DSG2: variants seen among roughly 807,000 people sequenced by gnomAD.
The protein encoded by DSG2 is desmoglein 2.
A neutral mutation model predicts 75.6 loss-of-function variants in DSG2; 45 were observed. The observed-to-expected ratio is 0.60, with a 90% CI of 0.47 to 0.76. The LOEUF is 0.76. Ranked by LOEUF, DSG2 falls within the 30% of genes least tolerant of loss-of-function variation. The probability of loss-of-function intolerance (pLI) is 0.00; values close to 1 mark genes in which losing one functional copy is unlikely to be tolerated. For synonymous variants in DSG2, 429 were observed against 483.9 expected, an observed-to-expected ratio of 0.89 and a Z score of 1.49; for missense variants, 1,267 against 1,357.4, an observed-to-expected ratio of 0.93 and a Z score of 1.05.
chr18:31,521,835 T>C (rs144856088), intron 5 of DSG2, among the ~76,000 whole-genome samples: 43 of 152,306 alleles, frequency 2.8e-4, no homozygotes, highest in African/African-American at 1.0e-3. Context: ...TATAAACAAA[T>C]CTGTGCCCTT....
At chr18:31,523,810 G>T (rs2073144030) in intron 6 of DSG2, among the ~76,000 whole-genome samples, 1 of 152,232 alleles carries the variant, frequency 6.6e-6, no homozygotes, top group African/African-American at 2.4e-5. Context: ...AAGTGACGAT[G>T]CCAGAATTGG....
rs891088263 is a variant in DSG2 at position 31,547,391 on chromosome 18, T to G, written c.*648T>G. 1.3e-5 allele frequency: 2 copies of G among 156,372 alleles called. No homozygotes were observed. Among genetic ancestry groups the G allele is most frequent in the African/African-American group, 4.8e-5 (2 of 41,456 alleles). The allele number at this position is 156,372 out of a possible 1,614,324, so 9.7% of individuals were successfully genotyped here. On this transcript the variant is annotated 3_prime_UTR_variant, in exon 15 of 15. Transcript: ENST00000261590. ...CTGTATAGTCTTAAAAATAGCATTA[T>G]ACTGGCCAGGGGTGGTGGCTAACGC...
rs727502988 is a variant in DSG2 at position 31,538,823 on chromosome 18, A to G, written c.1724A>G (p.Asn575Ser). ...GAAATTCAGTTCCTGATTTCAGACA[A>G]TCAGGGTTTTAGTTGTCCTGAAAAG... ...RSEIQFLISDNQGFSCPEKQV... is the reference protein window; with the variant it reads ...RSEIQFLISDSQGFSCPEKQV... The change falls in exon 12 of 15, where the codon AAT becomes AGT. Residue 575 changes from asparagine to serine, a missense_variant. Transcript: ENST00000261590. 2 of 1,614,170 alleles carry G rather than the reference A, an allele frequency of 1.2e-6. No homozygotes were observed. The highest frequency in any genetic ancestry group is 1.1e-5 in the South Asian group (1 of 91,076).
chr18:31,514,775 A>C (rs2073085032), intron 1 of DSG2, among the ~76,000 whole-genome samples: 1 of 152,212 alleles, frequency 6.6e-6, no homozygotes, highest in Admixed American at 6.5e-5. Context: ...GTTGGTAACC[A>C]TGTGATTTTC....
At position 31,542,925 on chromosome 18, in the gene DSG2, G is replaced by A; in HGVS notation, c.2334+73G>A. ...TGTATGTGAATGTGATATTATTAGG[G>A]TAATCATTGCCTTGGATCCAAATGA... On this transcript the variant is annotated intron_variant, in intron 14 of 14. Coordinates refer to ENST00000261590, the MANE Select transcript of DSG2 (RefSeq NM_001943.5). 3.7e-6 allele frequency: 4 copies of A among 1,075,644 alleles called. No homozygotes were observed. In the Admixed American group the frequency reaches 1.2e-4, roughly 33 times the overall value. 66.6% of individuals were successfully genotyped at this position (1,075,644 alleles called of 1,614,324 possible). A position where few individuals can be genotyped will look rare whatever the true frequency, so the allele number is the denominator to read the frequency against.
rs1335695492 is a variant in DSG2, at chr18:31,518,266, C to T, written c.73C>T (p.His25Tyr). Residue 25 changes from histidine to tyrosine, a missense_variant, in exon 2 of 15, where the codon CAC becomes TAC. Physicochemically the swap from His to Tyr is moderately conservative, Grantham distance 83 (BLOSUM62 2). Transcript: ENST00000261590. ...LICFNVGSGL[H>Y]LQVLSTRNEN... ...CTGCTTTAACGTTGGAAGTGGACTT[C>T]ACTTACAGGTGAGGAAACAAAGGGA... The T allele has an allele frequency of 4.3e-6, 7 of 1,613,328 alleles. No individual in the cohort carries two copies. Among genetic ancestry groups the T allele is most frequent in the Middle Eastern group, 1.7e-4 (1 of 6,058 alleles).
intron 1 of DSG2, among the ~76,000 whole-genome samples, chr18:31,511,864 G>T (rs992050081): frequency 6.6e-6 from 1 of 152,078 alleles, no homozygotes; most frequent in African/African-American, 2.4e-5. Context: ...GGCCCCTTGT[G>T]CTCCCTTCAG....
At chr18:31,525,638 A>C (rs2073158790) in intron 8 of DSG2, among the ~76,000 whole-genome samples, 1 of 152,202 alleles carries the variant, frequency 6.6e-6, no homozygotes, top group Non-Finnish European at 1.5e-5. Flanking sequence ...ATAAAACTGC[A>C]TGCCAAAAAT....
In DSG2 at chr18:31,545,931, A is replaced by G. The variant is rs1225132212; in HGVS notation, c.2545A>G (p.Lys849Glu). 6.2e-7 allele frequency: 1 copy of G among 1,614,186 alleles called. No homozygotes were observed. The highest frequency in any genetic ancestry group is 1.1e-5 in the South Asian group (1 of 91,082). Residue 849 changes from lysine (K) to glutamate (E), a missense_variant, in exon 15 of 15, where the codon AAG becomes GAG. Coordinates refer to ENST00000261590, the MANE Select transcript of DSG2 (RefSeq NM_001943.5). ...CCTGGGTCAAAAAATAGATATAAATAAGGAAATTGAGCAGAGACAAAAACC... is the reference window on the plus strand; with the variant it reads ...CCTGGGTCAAAAAATAGATATAAATGAGGAAATTGAGCAGAGACAAAAACC... ...VCLGQKIDINKEIEQRQKPAT... is the reference protein window; with the variant it reads ...VCLGQKIDINEEIEQRQKPAT...
At chr18:31,521,365 A>G (rs1363879005) in intron 5 of DSG2, 122 bp downstream of exon 5, 2 of 1,085,878 alleles carry the variant, frequency 1.8e-6, no homozygotes, top group Non-Finnish European at 2.6e-6. Context: ...AACAAATGAT[A>G]AGAAAGCAGT....
chr18:31,504,570 G>C (rs753061219), intron 1 of DSG2, among the ~76,000 whole-genome samples: 10 of 152,158 alleles, frequency 6.6e-5, no homozygotes, highest in Non-Finnish European at 1.2e-4. Context: ...ACGGCAGAGG[G>C]GGGGACACAG....
intron 9 of DSG2, among the ~76,000 whole-genome samples, chr18:31,532,416 T>C (rs1354296096): frequency 3.9e-5 from 6 of 152,106 alleles, no homozygotes; most frequent in African/African-American, 1.4e-4. Context: ...GACTCCAACA[T>C]AAGAATTTCC....
intron 1 of DSG2, among the ~76,000 whole-genome samples, chr18:31,509,242 C>T (rs1188547072): frequency 1.3e-5 from 2 of 152,168 alleles, no homozygotes; most frequent in Non-Finnish European, 2.9e-5. Context: ...AAACTGTCTT[C>T]CTCTTTGTAA....
rs2073192392 is a variant in DSG2, at chr18:31,530,881, G to A, written c.1015-106G>A. On this transcript the variant is annotated intron_variant, in intron 8 of 14. Coordinates refer to ENST00000261590, the MANE Select transcript of DSG2 (RefSeq NM_001943.5). ...TATTCAGTGCTGCTATATTTCCTGT[G>A]CATTAAATTATTGTATCTAACATTA... is the stretch of plus-strand genomic sequence containing the variant. 11 of 1,128,904 alleles carry A rather than the reference G, an allele frequency of 9.7e-6. 1 individual carries two copies. Among genetic ancestry groups the A allele is most frequent in the Middle Eastern group, 5.8e-4 (2 of 3,430 alleles). 69.9% of individuals were successfully genotyped at this position (1,128,904 alleles called of 1,614,324 possible). A position where few individuals can be genotyped will look rare whatever the true frequency, so the allele number is the denominator to read the frequency against.
intron 1 of DSG2, among the ~76,000 whole-genome samples, chr18:31,511,938 G>A (rs2704054): frequency 0.14 from 22,036 of 152,048 alleles, 3,892 homozygotes; most frequent in African/African-American, 0.42. Flanking sequence ...CCTGTGTCAC[G>A]CTGGCTCCCT....
rs758038429 is a variant in DSG2 at position 31,546,185 on chromosome 18, G to T, written c.2799G>T (p.Val933=). The T allele has an allele frequency of 1.2e-6, 2 of 1,613,826 alleles. No homozygotes were observed. Among genetic ancestry groups the T allele is most frequent in the African/African-American group, 2.7e-5 (2 of 74,878 alleles). ...CTGACCCAATGGCTTCTAGAAATGT[G>T]ATAGCAACAGAAACTTCCTATGTCA... ...PLPDPMASRN[V]IATETSYVTG... is the part of the protein sequence containing the mutation. Residue 933 remains valine (V), a synonymous_variant, in exon 15 of 15, where the codon GTG becomes GTT. Transcript: ENST00000261590.
At chr18:31,522,556 G>A (rs2144318647) in intron 6 of DSG2, 1 of 210,294 alleles carries the variant, frequency 4.8e-6, no homozygotes, top group Admixed American at 5.2e-5. Flanking sequence ...ATCATTGCAT[G>A]TTAAAATAAT....
At chr18:31,512,305 A>G (rs1215619100) in intron 1 of DSG2, among the ~76,000 whole-genome samples, 1 of 152,128 alleles carries the variant, frequency 6.6e-6, no homozygotes, top group Non-Finnish European at 1.5e-5. Flanking sequence ...AGGGTCATCT[A>G]TATTTGCCCT....
intron 8 of DSG2, among the ~76,000 whole-genome samples, chr18:31,530,211 A>G (rs993859840): frequency 6.6e-6 from 1 of 152,210 alleles, no homozygotes; most frequent in Admixed American, 6.5e-5. Flanking sequence ...TACTCCAGGA[A>G]TTCAAGTATT....
Sources: allele counts gnomAD v4.1 joint callset (sites outside exome capture counted in the v4.1 genomes callset), GRCh38; gene constraint gnomAD v4.1.1; transcripts MANE v1.5; gene names NCBI Gene and HGNC (gene_info 2026-07-23, HGNC 2026-07-21).